The following INPP5B variants were observed in gnomAD, a reference collection of about 807,000 sequenced individuals.
INPP5B encodes the protein inositol polyphosphate-5-phosphatase B.
A neutral mutation model predicts 118.5 loss-of-function variants in INPP5B; 90 were observed. The ratio of observed to expected loss-of-function variants is 0.76; its 90% CI spans 0.64 to 0.90. INPP5B has a LOEUF of 0.90. Among genes scored for constraint, INPP5B ranks in the 40% least tolerant of loss-of-function variants. The pLI is 0.00. For synonymous variants in INPP5B, 385 were observed against 418.9 expected, an observed-to-expected ratio of 0.92 and a Z score of 0.99; for missense variants, 984 against 1,125.6, an observed-to-expected ratio of 0.87 and a Z score of 1.80.
chr1:37,873,284 G>T, intron 18 of INPP5B, 119 bp from the exon 19 acceptor site: 1 of 704,670 alleles, frequency 1.4e-6, no homozygotes, highest in Non-Finnish European at 2.4e-6. Flanking sequence ...AAAGGTATCA[G>T]CCAACCAACA....
chr1:37,870,391 G>C lies in INPP5B; in HGVS notation c.2188-1777C>G, dbSNP rs553789956. The stretch of plus-strand genomic sequence containing the variant: ...CTCCCAGAGTGCAAGGATTACAATT[G>C]TGAGTCACTGTGCCCAACCCATGGC... On this transcript the variant is annotated intron_variant, in intron 19 of 23. Coordinates refer to ENST00000373024, the MANE Select transcript of INPP5B (RefSeq NM_005540.3). Among the ~76,000 whole-genome samples, 7 of 152,286 alleles carry C rather than the reference G, an allele frequency of 4.6e-5. No individual in the cohort carries two copies. The South Asian group carries it at 1.4e-3, about 32-fold the overall frequency.
At chr1:37,945,166 C>T (rs890976632) in intron 3 of INPP5B, among the ~76,000 whole-genome samples, 5 of 151,868 alleles carry the variant, frequency 3.3e-5, no homozygotes, top group African/African-American at 7.3e-5. Context: ...CACGCTGGCT[C>T]ATGCCTGTAA....
At chr1:37,866,038 CTGTT>C in intron 21 of INPP5B, 150 bp from the exon 22 acceptor site, 6 of 1,316,616 alleles carry the variant, frequency 4.6e-6, no homozygotes, top group South Asian at 2.9e-5. Context: ...AGGGACCACA[CTGTT>C]TGTCAGGTGA....
chr1:37,866,392 T>C (rs1358442975), intron 21 of INPP5B, 67 bp downstream of exon 21: 2 of 699,424 alleles, frequency 2.9e-6, no homozygotes, highest in African/African-American at 4.8e-5. Flanking sequence ...ATATTCTCTC[T>C]CTCTCTCTCT....
chr1:37,895,502 CCTCTCT>C (rs758323086), intron 7 of INPP5B, among the ~76,000 whole-genome samples: 30 of 151,688 alleles, frequency 2.0e-4, no homozygotes, highest in Non-Finnish European at 3.7e-4. Context: ...CCTCCCCCTC[CCTCTCT>C]CTCTCCCCAC....
intron 2 of INPP5B, 59 bp from the exon 3 acceptor site, chr1:37,945,909 G>T: frequency 6.7e-7 from 1 of 1,494,026 alleles, no homozygotes; most frequent in Non-Finnish European, 9.3e-7. Flanking sequence ...CACCCAGGCT[G>T]TCCCACCTTC....
At chr1:37,867,988 TG>T (rs561390676) in intron 20 of INPP5B, among the ~76,000 whole-genome samples, 59 of 152,286 alleles carry the variant, frequency 3.9e-4, no homozygotes, top group African/African-American at 1.4e-3. Flanking sequence ...TGTGCTGGGA[TG>T]GGCTTCCTAT....
At chr1:37,866,892 G>A (rs1220225678) in intron 20 of INPP5B, among the ~76,000 whole-genome samples, 2 of 152,210 alleles carry the variant, frequency 1.3e-5, no homozygotes, top group Non-Finnish European at 1.5e-5. Flanking sequence ...CAGTGCATAA[G>A]AGCATAAGAG....
intron 16 of INPP5B, among the ~76,000 whole-genome samples, chr1:37,877,969 G>A (rs138779351): frequency 6.6e-6 from 1 of 152,208 alleles, no homozygotes; most frequent in African/African-American, 2.4e-5. Flanking sequence ...CAAAGAGACA[G>A]TTCAAAAATG....
Position 37,862,361 on chromosome 1 carries a change from T to G in INPP5B, c.2696A>C (p.Lys899Thr). The G allele has an allele frequency of 6.2e-7, 1 of 1,614,092 alleles. No individual in the cohort carries two copies. Among genetic ancestry groups the G allele is most frequent in the South Asian group, 1.1e-5 (1 of 91,084 alleles). The change falls in exon 24 of 24, where the codon AAG becomes ACG. Residue 899 changes from lysine to threonine, a missense_variant. By Grantham distance (78) the Lys-to-Thr change is moderately conservative. Around this residue, in one of 2 missense-constraint regions of INPP5B, gnomAD observed 634 missense variants for 791.0 expected, o/e 0.80. Coordinates refer to ENST00000373024, the MANE Select transcript of INPP5B (RefSeq NM_005540.3). ...GHQKLDMTEK[K>T]KAQEFIHQFL... ...CTGGTGAATAAATTCTTGAGCCTTCTTCTTCTCTGTCATATCAAGCTTTTG... is the reference window on the plus strand; with the variant it reads ...CTGGTGAATAAATTCTTGAGCCTTCGTCTTCTCTGTCATATCAAGCTTTTG...
intron 5 of INPP5B, among the ~76,000 whole-genome samples, chr1:37,943,006 TG>T (rs1645989788): frequency 6.6e-6 from 1 of 151,938 alleles, no homozygotes; most frequent in African/African-American, 2.4e-5. Flanking sequence ...GGGGGTTTTT[TG>T]TTTGTTTTTT....
rs751481916 is a variant in INPP5B at position 37,945,851 on chromosome 1, C to T, written c.58-1G>A. 5 of 1,613,894 alleles carry T rather than the reference C, an allele frequency of 3.1e-6. No individual in the cohort carries two copies. In the South Asian group the frequency reaches 4.4e-5, roughly 14 times the overall value. On this transcript the variant is annotated splice_acceptor_variant, in intron 2 of 23. Coordinates refer to ENST00000373024, the MANE Select transcript of INPP5B (RefSeq NM_005540.3). LOFTEE classifies it high-confidence loss of function. ...CCTCACACAGCACACCTTGCACCGC[C>T]TGCGGCTCAGAGTCAAGGGAAGACA...
chr1:37,872,731 G>A (rs1642535192), intron 19 of INPP5B, among the ~76,000 whole-genome samples, 199 bp downstream of exon 19: 1 of 151,598 alleles, frequency 6.6e-6, no homozygotes. Flanking sequence ...ACAGAATCAT[G>A]AGGAGCAATA....
rs148711435 is a variant in INPP5B at position 37,873,987 on chromosome 1, C to T, written c.1951+6G>A. The T allele has an allele frequency of 0.021, 32,409 of 1,556,542 alleles. 437 individuals are homozygous for T. The highest frequency in any genetic ancestry group is 0.023 in the Non-Finnish European group (26,293 of 1,139,222). On this transcript the variant is annotated splice_donor_region_variant and intron_variant, in intron 18 of 23. Coordinates refer to ENST00000373024, the MANE Select transcript of INPP5B (RefSeq NM_005540.3). Reference sequence around the variant, plus strand: ...GATACCAGGAAGCTAGGAACAGAGGCCTTACCTGGCAGGAGGAAGCCTCTG... The same window carrying T: ...GATACCAGGAAGCTAGGAACAGAGGTCTTACCTGGCAGGAGGAAGCCTCTG...
chr1:37,860,752 T>A lies in INPP5B; in HGVS notation c.*1563A>T, dbSNP rs943311868. 6.6e-6 allele frequency: 1 copy of A among 152,230 alleles called. No homozygotes were observed. Among genetic ancestry groups the A allele is most frequent in the Non-Finnish European group, 1.5e-5 (1 of 68,060 alleles). The allele number at this position is 152,230 out of a possible 1,614,324, so 9.4% of individuals were successfully genotyped here. ...ATATTACACATGGAGACAGGATGCA[T>A]CATATACAGTTTGGAAGACTTGCTG... On this transcript the variant is annotated 3_prime_UTR_variant, in exon 24 of 24. Coordinates refer to ENST00000373024, the MANE Select transcript of INPP5B (RefSeq NM_005540.3).
At position 37,901,158 on chromosome 1, in the gene INPP5B, T is replaced by C. The variant is rs1377140311; in HGVS notation, c.533-9704A>G. Among the ~76,000 whole-genome samples, 5 of 152,330 alleles carry C rather than the reference T, an allele frequency of 3.3e-5. No individual in the cohort carries two copies. The East Asian group carries it at 7.7e-4, about 24-fold the overall frequency. On this transcript the variant is annotated intron_variant, in intron 7 of 23. Coordinates refer to ENST00000373024, the MANE Select transcript of INPP5B (RefSeq NM_005540.3). ...CATTATTATTGGATGCCATTTCCAC[T>C]AAATCGTGAGCTCTGCGAGGCAGGG...
chr1:37,876,160 A>G (rs1169581632), intron 16 of INPP5B, among the ~76,000 whole-genome samples: 1 of 151,462 alleles, frequency 6.6e-6, no homozygotes, highest in Non-Finnish European at 1.5e-5. Context: ...CTGGAGTACA[A>G]TAGAGTGATC....
intron 14 of INPP5B, 70 bp from the exon 15 acceptor site, chr1:37,880,264 G>T: frequency 8.8e-7 from 1 of 1,139,724 alleles, no homozygotes; most frequent in Non-Finnish European, 1.3e-6. Flanking sequence ...GTGGAGAAAA[G>T]CATATCAATC....
intron 19 of INPP5B, among the ~76,000 whole-genome samples, chr1:37,869,612 T>A (rs1195414880): frequency 1.3e-5 from 2 of 152,060 alleles, no homozygotes; most frequent in South Asian, 4.2e-4. Flanking sequence ...CCCGAGCAGC[T>A]GGGAATACAG....
Sources: allele counts gnomAD v4.1 joint callset (sites outside exome capture counted in the v4.1 genomes callset), GRCh38; gene constraint gnomAD v4.1.1; regional missense constraint gnomAD v4.1.1; transcripts MANE v1.5; gene names NCBI Gene and HGNC (gene_info 2026-07-23, HGNC 2026-07-21).